Variants in PLCB1 observed in about 807,000 individuals in gnomAD.
PLCB1 encodes the protein 1-phosphatidylinositol 4,5-bisphosphate phosphodiesterase beta-1.
PLCB1 carries 46 observed loss-of-function variants against 161.8 expected under a neutral mutation model. The observed-to-expected ratio is 0.28, with a 90% CI of 0.22 to 0.36. The LOEUF is 0.36. Ranked by LOEUF, PLCB1 falls within the 10% of genes least tolerant of loss-of-function variation. The pLI is 1.00. For synonymous variants in PLCB1, 517 were observed against 503.7 expected, an observed-to-expected ratio of 1.03 and a Z score of -0.35; for missense variants, 1,016 against 1,472.5, an observed-to-expected ratio of 0.69 and a Z score of 5.07.
At chr20:8,387,742 G>A (rs1870550481) in intron 3 of PLCB1, among the ~76,000 whole-genome samples, 1 of 152,090 alleles carries the variant, frequency 6.6e-6, no homozygotes, top group East Asian at 1.9e-4. Flanking sequence ...TGTGCTTGTA[G>A]CTATTGTAGT....
At chr20:8,320,559 T>G (rs2122156918) in intron 2 of PLCB1, among the ~76,000 whole-genome samples, 1 of 152,180 alleles carries the variant, frequency 6.6e-6, no homozygotes. Flanking sequence ...TCAGTTAGGG[T>G]TTCCATATGT....
chr20:8,402,107 T>C (rs535089765), intron 3 of PLCB1, among the ~76,000 whole-genome samples: 69 of 152,344 alleles, frequency 4.5e-4, no homozygotes, highest in South Asian at 3.1e-3. Flanking sequence ...GTTTTAATTA[T>C]TGTGGCTTTA....
intron 3 of PLCB1, among the ~76,000 whole-genome samples, chr20:8,382,342 G>T (rs959749673): frequency 6.7e-6 from 1 of 149,960 alleles, no homozygotes; most frequent in African/African-American, 2.5e-5. Flanking sequence ...AAGTGCAGTG[G>T]TGTGATCTCG....
chr20:8,561,378 C>T lies in PLCB1; in HGVS notation c.247-66916C>T, dbSNP rs915675735. Among the ~76,000 whole-genome samples, 5 of 151,828 alleles carry T rather than the reference C, an allele frequency of 3.3e-5. No individual in the cohort carries two copies. The East Asian group carries it at 9.7e-4, about 29-fold the overall frequency. On this transcript the variant is annotated intron_variant, in intron 3 of 31. Transcript: ENST00000338037. ...AGGGGGATTATAGATAACCCTAGAG[C>T]ACTCATTCTTTATCTGTTCTAAGAT...
At chr20:8,550,318 C>T (rs1204543665) in intron 3 of PLCB1, among the ~76,000 whole-genome samples, 1 of 152,100 alleles carries the variant, frequency 6.6e-6, no homozygotes, top group Non-Finnish European at 1.5e-5. Flanking sequence ...ACCCAAATCT[C>T]ACCATGAATT....
rs367896271 is a variant in PLCB1, at chr20:8,487,348, C to T, written c.246+115898C>T. ...TCCTTTGGATACTATTTTGGCCATA[C>T]TTGGTTGGCTTTCTGGAAGTATGAA... On this transcript the variant is annotated intron_variant, in intron 3 of 31. Transcript: ENST00000338037. 2.5e-3 allele frequency among the ~76,000 whole-genome samples: 379 copies of T among 152,266 alleles called. 4 individuals are homozygous for T. The highest frequency in any genetic ancestry group is 0.013 in the South Asian group (64 of 4,822).
chr20:8,386,935 G>A (rs530008957), intron 3 of PLCB1, among the ~76,000 whole-genome samples: 82 of 152,292 alleles, frequency 5.4e-4, no homozygotes, highest in South Asian at 1.9e-3. Context: ...TTCTTTTGCA[G>A]CTTTCTAGCC....
chr20:8,554,129 A>G (rs1255732472), intron 3 of PLCB1, among the ~76,000 whole-genome samples: 1 of 152,082 alleles, frequency 6.6e-6, no homozygotes, highest in Non-Finnish European at 1.5e-5. Flanking sequence ...AGATTGTAGA[A>G]TAGCTGAAAC....
At chr20:8,268,265 C>T (rs980001939) in intron 2 of PLCB1, among the ~76,000 whole-genome samples, 1 of 152,142 alleles carries the variant, frequency 6.6e-6, no homozygotes, top group African/African-American at 2.4e-5. Flanking sequence ...TGGTTTCCAG[C>T]TTCATCCATG....
chr20:8,555,313 G>A (rs1254333596), intron 3 of PLCB1, among the ~76,000 whole-genome samples: 1 of 152,026 alleles, frequency 6.6e-6, no homozygotes, highest in African/African-American at 2.4e-5. Context: ...CTAAGTCAAT[G>A]ATAGGAGCTT....
intron 3 of PLCB1, among the ~76,000 whole-genome samples, chr20:8,613,503 T>C (rs1987960118): frequency 6.6e-6 from 1 of 152,198 alleles, no homozygotes; most frequent in Non-Finnish European, 1.5e-5. Context: ...GAAGACAGTC[T>C]AATAGGTGGC....
chr20:8,672,214 G>A lies in PLCB1; in HGVS notation c.863-12718G>A, dbSNP rs576826874. 2.0e-5 allele frequency among the ~76,000 whole-genome samples: 3 copies of A among 152,150 alleles called. No individual in the cohort carries two copies. The South Asian group carries it at 6.2e-4, about 32-fold the overall frequency. The stretch of plus-strand genomic sequence containing the variant: ...ACCTTGAGCAAGCTACTTGCCTCAG[G>A]TTTCCCATCTATAAAATAGTCATAA... On this transcript the variant is annotated intron_variant, in intron 9 of 31. Transcript: ENST00000338037.
At chr20:8,212,260 A>G (rs1978865617) in intron 2 of PLCB1, among the ~76,000 whole-genome samples, 1 of 152,154 alleles carries the variant, frequency 6.6e-6, no homozygotes, top group African/African-American at 2.4e-5. Context: ...AAGCAAATCA[A>G]AACTTCTTCA....
intron 3 of PLCB1, among the ~76,000 whole-genome samples, chr20:8,416,140 T>C (rs1000301785): frequency 9.2e-5 from 14 of 152,240 alleles, no homozygotes; most frequent in African/African-American, 3.1e-4. Flanking sequence ...GTTTGACTCA[T>C]GTGTGTTGAG....
At chr20:8,875,230 T>G (rs1187461870) in intron 31 of PLCB1, among the ~76,000 whole-genome samples, 1 of 150,780 alleles carries the variant, frequency 6.6e-6, no homozygotes, top group Non-Finnish European at 1.5e-5. Flanking sequence ...TTTTCTTTCT[T>G]ATGTTTTTCT....
intron 2 of PLCB1, among the ~76,000 whole-genome samples, chr20:8,349,385 T>G (rs1388256143): frequency 6.6e-6 from 1 of 152,206 alleles, no homozygotes; most frequent in Non-Finnish European, 1.5e-5. Flanking sequence ...GTTCATGTAT[T>G]TTATCTGGTC....
At chr20:8,588,020 C>A (rs889610739) in intron 3 of PLCB1, among the ~76,000 whole-genome samples, 4 of 152,078 alleles carry the variant, frequency 2.6e-5, no homozygotes, top group African/African-American at 7.2e-5. Flanking sequence ...TGACGTGTAT[C>A]GAAACTGTCA....
chr20:8,145,871 G>T lies in PLCB1; in HGVS notation c.100-4423G>T, dbSNP rs571156932. ...ATGTAATCAATGTCAGAAATCATTA[G>T]TGAGCTATTTTCTATTCCTGTTTCC... On this transcript the variant is annotated intron_variant, in intron 1 of 31. Coordinates refer to ENST00000338037, the MANE Select transcript of PLCB1 (RefSeq NM_015192.4). 2.6e-5 allele frequency among the ~76,000 whole-genome samples: 4 copies of T among 152,312 alleles called. 1 individual carries two copies. The South Asian group carries it at 8.3e-4, about 32-fold the overall frequency.
intron 3 of PLCB1, among the ~76,000 whole-genome samples, chr20:8,617,508 A>AT (rs1988067625): frequency 6.6e-6 from 1 of 152,012 alleles, no homozygotes; most frequent in South Asian, 2.1e-4. Context: ...TGTTGGGAGT[A>AT]TTTACACCAT....
Sources: allele counts gnomAD v4.1 joint callset (sites outside exome capture counted in the v4.1 genomes callset), GRCh38; gene constraint gnomAD v4.1.1; transcripts MANE v1.5; gene names NCBI Gene and HGNC (gene_info 2026-07-23, HGNC 2026-07-21).